Variants in KCNJ16 observed in about 807,000 individuals in gnomAD.
KCNJ16 encodes potassium inwardly rectifying channel subfamily J member 16.
In KCNJ16, 15 loss-of-function variants were observed where a neutral mutation model predicts 18.5. That is an observed-to-expected ratio of 0.81 (90% CI 0.54 to 1.25). The LOEUF (loss-of-function observed/expected upper bound fraction) is 1.25, where lower values mean the gene tolerates loss of function less well. Ranked by LOEUF, KCNJ16 falls within the 50% of genes most tolerant of loss-of-function variation. KCNJ16 has a pLI of 0.00. For synonymous variants in KCNJ16, 174 were observed against 186.5 expected (o/e 0.93, Z 0.55); for missense variants, 523 against 525.7 (o/e 0.99, Z 0.05).
intron 2 of KCNJ16, among the ~76,000 whole-genome samples, chr17:70,117,427 G>A (rs1567799142): frequency 6.6e-6 from 1 of 151,916 alleles, no homozygotes; most frequent in Non-Finnish European, 1.5e-5. Context: ...AACAAACTTC[G>A]ACATGGACCC....
chr17:70,093,063 G>A (rs369429260), intron 1 of KCNJ16, among the ~76,000 whole-genome samples: 2 of 152,168 alleles, frequency 1.3e-5, no homozygotes, highest in East Asian at 1.9e-4. Context: ...TAACCAACAC[G>A]TCCATCAATT....
At chr17:70,112,639 T>C (rs1363681170) in intron 2 of KCNJ16, among the ~76,000 whole-genome samples, 1 of 152,178 alleles carries the variant, frequency 6.6e-6, no homozygotes, top group African/African-American at 2.4e-5. Flanking sequence ...AAATGGCATT[T>C]TGATTAAGTT....
chr17:70,082,208 T>A (rs994805537), intron 1 of KCNJ16, among the ~76,000 whole-genome samples: 15 of 152,204 alleles, frequency 9.9e-5, no homozygotes, highest in African/African-American at 3.6e-4. Context: ...ATTCAGGTTT[T>A]AGCTAGAAGG....
At chr17:70,075,655 C>A (rs1031450837) in intron 1 of KCNJ16, among the ~76,000 whole-genome samples, 17 of 152,054 alleles carry the variant, frequency 1.1e-4, no homozygotes, top group Non-Finnish European at 1.9e-4. Flanking sequence ...ACAGCCCTTG[C>A]CTGCTATTAT....
intron 2 of KCNJ16, among the ~76,000 whole-genome samples, chr17:70,120,975 A>C (rs1408474902): frequency 6.6e-6 from 1 of 152,138 alleles, no homozygotes; most frequent in Non-Finnish European, 1.5e-5. Flanking sequence ...GGGAGAAGAG[A>C]GTGGGGATGC....
intron 1 of KCNJ16, chr17:70,096,973 A>C (rs562563806): frequency 2.5e-6 from 1 of 398,222 alleles, no homozygotes; most frequent in South Asian, 1.3e-4. Context: ...TAACATATTA[A>C]ATTTTCTCTA....
chr17:70,126,488 G>C (rs1330086884), intron 2 of KCNJ16, among the ~76,000 whole-genome samples: 2 of 152,130 alleles, frequency 1.3e-5, no homozygotes, highest in African/African-American at 4.8e-5. Context: ...ACATTAAAAG[G>C]TGGCTTCCCA....
At chr17:70,122,468 C>T (rs141643082) in intron 2 of KCNJ16, among the ~76,000 whole-genome samples, 371 of 152,298 alleles carry the variant, frequency 2.4e-3, no homozygotes, top group Admixed American at 4.1e-3. Flanking sequence ...TGAGTCACCA[C>T]GCCTGGCCAG....
intron 1 of KCNJ16, among the ~76,000 whole-genome samples, chr17:70,082,639 C>T (rs1298595022): frequency 6.6e-6 from 1 of 152,182 alleles, no homozygotes; most frequent in African/African-American, 2.4e-5. Flanking sequence ...TGTCGAGGCT[C>T]TCCCCTCTTC....
At chr17:70,119,105 A>T (rs546112691) in intron 2 of KCNJ16, among the ~76,000 whole-genome samples, 1 of 152,342 alleles carries the variant, frequency 6.6e-6, no homozygotes, top group African/African-American at 2.4e-5. Context: ...GGGCAGTCAT[A>T]AAATCTTAAT....
chr17:70,131,194 C>CAA (rs36047658), intron 3 of KCNJ16, among the ~76,000 whole-genome samples: 9,076 of 85,666 alleles, frequency 0.11, 854 homozygotes, highest in African/African-American at 0.25. Flanking sequence ...CTGCCAGTGT[C>CAA]AAAAAAAAAA....
In KCNJ16 at chr17:70,133,462, AAGTAG is replaced by A; in HGVS notation, c.*123_*127del. 1 of 749,628 alleles carries A rather than the reference AAGTAG, an allele frequency of 1.3e-6. No individual in the cohort carries two copies. The highest frequency in any genetic ancestry group is 2.2e-5 in the South Asian group (1 of 45,504). The allele number at this position is 749,628 out of a possible 1,614,324, so 46.4% of individuals were successfully genotyped here. ...GCTATGTTTTATGATGATGCTGGGTAAGTAGAGTAAGTTAAACTTGGTAAAAGATA... is the reference window on the plus strand; with the variant it reads ...GCTATGTTTTATGATGATGCTGGGTAAGTAAGTTAAACTTGGTAAAAGATA... On this transcript the variant is annotated 3_prime_UTR_variant, in exon 4 of 4. Transcript: ENST00000392671.
intron 2 of KCNJ16, among the ~76,000 whole-genome samples, chr17:70,113,199 C>T (rs1286934168): frequency 1.3e-5 from 2 of 152,174 alleles, no homozygotes; most frequent in African/African-American, 4.8e-5. Context: ...CAAGAAGTAA[C>T]CACCCAAGCC....
chr17:70,099,507 T>C (rs1162650327), intron 1 of KCNJ16, among the ~76,000 whole-genome samples: 1 of 151,930 alleles, frequency 6.6e-6, no homozygotes, highest in Non-Finnish European at 1.5e-5. Context: ...AGGAATAGAA[T>C]GCATTTAGGG....
At chr17:70,107,355 G>C (rs1362145825) in intron 2 of KCNJ16, among the ~76,000 whole-genome samples, 1 of 152,096 alleles carries the variant, frequency 6.6e-6, no homozygotes, top group Non-Finnish European at 1.5e-5. Flanking sequence ...ACCTGAGCTT[G>C]GGTCACCTTC....
intron 1 of KCNJ16, among the ~76,000 whole-genome samples, chr17:70,090,714 C>T (rs556362579): frequency 2.0e-5 from 3 of 151,872 alleles, no homozygotes; most frequent in Admixed American, 6.6e-5. Context: ...ACTCACAATA[C>T]CGCTAACCCA....
intron 1 of KCNJ16, among the ~76,000 whole-genome samples, chr17:70,080,744 TCTC>T (rs2143551177): frequency 6.6e-6 from 1 of 152,338 alleles, no homozygotes; most frequent in South Asian, 2.1e-4. Flanking sequence ...AACTATGTGC[TCTC>T]CTCATCTCAT....
intron 1 of KCNJ16, among the ~76,000 whole-genome samples, chr17:70,088,364 G>A (rs2071934930): frequency 1.3e-5 from 2 of 152,316 alleles, no homozygotes; most frequent in African/African-American, 2.4e-5. Context: ...TAATGCTGCC[G>A]CTGATCCAGC....
At chr17:70,082,041 G>A (rs1598083159) in intron 1 of KCNJ16, among the ~76,000 whole-genome samples, 1 of 152,130 alleles carries the variant, frequency 6.6e-6, no homozygotes, top group East Asian at 1.9e-4. Context: ...CTTGGTTGAT[G>A]TGCAGTGACT....
Sources: gnomAD v4.1 joint callset for allele counts (sites outside exome capture counted in the v4.1 genomes callset) on GRCh38, gnomAD v4.1.1 for gene constraint, MANE v1.5 for transcripts, NCBI Gene and HGNC (gene_info 2026-07-23, HGNC 2026-07-21) for gene names.